Variants in CPQ observed in about 807,000 individuals in gnomAD.
CPQ encodes the protein carboxypeptidase Q.
In CPQ, 37 loss-of-function variants were observed where a neutral mutation model predicts 45.7. The observed-to-expected ratio is 0.81, with a 90% CI of 0.62 to 1.07. The LOEUF is 1.07. CPQ is among the 50% of genes least tolerant of loss of function. The pLI is 0.00. For synonymous variants in CPQ, 186 were observed against 205.8 expected (o/e 0.90, Z 0.82); for missense variants, 537 against 572.9 (o/e 0.94, Z 0.64).
intron 6 of CPQ, among the ~76,000 whole-genome samples, chr8:97,054,945 G>C (rs1457876996): frequency 6.6e-6 from 1 of 152,152 alleles, no homozygotes; most frequent in African/African-American, 2.4e-5. Flanking sequence ...TTTAAGTATA[G>C]AGTTCAGGGG....
intron 1 of CPQ, among the ~76,000 whole-genome samples, chr8:96,714,702 G>A (rs769183356): frequency 3.7e-4 from 57 of 152,116 alleles, no homozygotes; most frequent in Admixed American, 1.2e-3. Context: ...TTTGGGGGTT[G>A]TTATAGAACC....
chr8:96,769,222 A>AG (rs1197826356), intron 1 of CPQ, among the ~76,000 whole-genome samples: 7 of 152,078 alleles, frequency 4.6e-5, no homozygotes, highest in Non-Finnish European at 8.8e-5. Context: ...TTACACTTAT[A>AG]GGGGGGATCC....
intron 1 of CPQ, among the ~76,000 whole-genome samples, chr8:96,773,603 G>A (rs533158305): frequency 1.1e-3 from 166 of 152,284 alleles, no homozygotes; most frequent in Non-Finnish European, 2.0e-3. Flanking sequence ...AAATAACAAA[G>A]AATTATTTTG....
At chr8:96,653,072 C>G (rs1815596832) in intron 1 of CPQ, among the ~76,000 whole-genome samples, 2 of 152,290 alleles carry the variant, frequency 1.3e-5, no homozygotes, top group Middle Eastern at 3.4e-3. Flanking sequence ...ACTGGGACTA[C>G]AGGTGTGCCA....
At position 97,106,720 on chromosome 8, in the gene CPQ, G is replaced by A. The variant is rs1476459541; in HGVS notation, c.1256-36300G>A. ...GAGAATCAATAGCAGGAGAGCCTTG[G>A]GCCAGATGGATCGCAAGTGAGTGAG... is the stretch of plus-strand genomic sequence containing the variant. On this transcript the variant is annotated intron_variant, in intron 7 of 7. Coordinates refer to ENST00000220763, the MANE Select transcript of CPQ (RefSeq NM_016134.4). Among the ~76,000 whole-genome samples the A allele has an allele frequency of 2.0e-5, 3 of 148,062 alleles. No homozygotes were observed. In the East Asian group the frequency reaches 5.8e-4, roughly 29 times the overall value.
chr8:96,778,257 T>C (rs964893383), intron 1 of CPQ, among the ~76,000 whole-genome samples: 1 of 151,568 alleles, frequency 6.6e-6, no homozygotes, highest in Non-Finnish European at 1.5e-5. Context: ...TTGTTACTTC[T>C]CCAAATATAG....
chr8:96,769,102 C>T (rs1042854586), intron 1 of CPQ, among the ~76,000 whole-genome samples: 2 of 152,162 alleles, frequency 1.3e-5, no homozygotes, highest in African/African-American at 4.8e-5. Context: ...AGCCTATATT[C>T]TCTCCCCTGT....
chr8:97,046,648 G>T (rs1296246578), intron 6 of CPQ, among the ~76,000 whole-genome samples: 1 of 152,130 alleles, frequency 6.6e-6, no homozygotes, highest in Non-Finnish European at 1.5e-5. Context: ...CCAATCAGAT[G>T]CACTCCCTCC....
intron 1 of CPQ, among the ~76,000 whole-genome samples, chr8:96,705,548 G>T (rs1809521410): frequency 6.6e-6 from 1 of 152,110 alleles, no homozygotes; most frequent in African/African-American, 2.4e-5. Context: ...TTTAAATTCT[G>T]CATCTGTGGT....
At chr8:97,016,974 A>G (rs1306955961) in intron 5 of CPQ, among the ~76,000 whole-genome samples, 3 of 152,196 alleles carry the variant, frequency 2.0e-5, no homozygotes, top group Admixed American at 1.3e-4. Flanking sequence ...TTACTCAACA[A>G]TGACTGCAGG....
intron 4 of CPQ, among the ~76,000 whole-genome samples, chr8:96,908,991 A>C (rs1392313767): frequency 6.6e-6 from 1 of 152,184 alleles, no homozygotes; most frequent in African/African-American, 2.4e-5. Flanking sequence ...AAGCTTGGTC[A>C]GTGTTCCATC....
chr8:96,740,904 G>T (rs1331302232), intron 1 of CPQ, among the ~76,000 whole-genome samples: 1 of 152,156 alleles, frequency 6.6e-6, no homozygotes, highest in Admixed American at 6.5e-5. Context: ...TGTTCATCAA[G>T]GATATTGGTC....
intron 6 of CPQ, among the ~76,000 whole-genome samples, chr8:97,061,627 A>G (rs1810554036): frequency 6.6e-6 from 1 of 152,176 alleles, no homozygotes. Context: ...AAGAATGATC[A>G]TGCACACTCA....
At chr8:96,690,360 A>G (rs1234517407) in intron 1 of CPQ, among the ~76,000 whole-genome samples, 3 of 152,094 alleles carry the variant, frequency 2.0e-5, no homozygotes, top group Non-Finnish European at 4.4e-5. Context: ...GCTAATAACA[A>G]TTGTCCTTAT....
At chr8:96,930,530 A>AT (rs908569872) in intron 4 of CPQ, among the ~76,000 whole-genome samples, 4 of 152,020 alleles carry the variant, frequency 2.6e-5, no homozygotes, top group South Asian at 2.1e-4. Context: ...AGTGAGGATG[A>AT]TTTTTTTTGG....
intron 3 of CPQ, among the ~76,000 whole-genome samples, chr8:96,866,742 T>A (rs977396661): frequency 2.6e-5 from 4 of 152,080 alleles, no homozygotes; most frequent in Non-Finnish European, 4.4e-5. Context: ...GTGAATTAAA[T>A]CTTACAGAAT....
chr8:96,879,996 T>A lies in CPQ; in HGVS notation c.840T>A (p.Tyr280Ter). Residue 280 changes from tyrosine to a stop codon, truncating the protein, a stop_gained, in exon 4 of 8, where the codon TAT (tyrosine) becomes TAA (stop). Transcript: ENST00000220763. LOFTEE classifies it high-confidence loss of function. ...NTVAEITGSKYPEQVVLVSGH... is the reference protein window; with the variant it reads ...NTVAEITGSK Reference sequence around the variant, plus strand: ...TAGCAGAGATCACTGGGAGCAAATATCCAGAACAGGTGAGTGAAGGAGAAG... The same window carrying A: ...TAGCAGAGATCACTGGGAGCAAATAACCAGAACAGGTGAGTGAAGGAGAAG... 1 of 1,613,616 alleles carries A rather than the reference T, an allele frequency of 6.2e-7. No individual in the cohort carries two copies. Among genetic ancestry groups the A allele is most frequent in the African/African-American group, 1.3e-5 (1 of 75,002 alleles).
chr8:97,046,143 C>T lies in CPQ; in HGVS notation c.1053+16649C>T, dbSNP rs570341567. Among the ~76,000 whole-genome samples the T allele has an allele frequency of 8.7e-4, 133 of 152,264 alleles. No individual in the cohort carries two copies. The South Asian group carries it at 9.1e-3, about 10-fold the overall frequency. ...CATGTGTGCCCTGAGAGGCTGGTCTCGGTCTAGCTTTCTGATTTCCTTATC... is the reference window on the plus strand; with the variant it reads ...CATGTGTGCCCTGAGAGGCTGGTCTTGGTCTAGCTTTCTGATTTCCTTATC... On this transcript the variant is annotated intron_variant, in intron 6 of 7. Transcript: ENST00000220763.
chr8:96,726,864 A>G (rs1809850448), intron 1 of CPQ, among the ~76,000 whole-genome samples: 2 of 152,152 alleles, frequency 1.3e-5, no homozygotes, highest in Non-Finnish European at 1.5e-5. Flanking sequence ...GGGACTATGC[A>G]GAGAGTCCAC....
Sources: gnomAD v4.1 joint callset for allele counts (sites outside exome capture counted in the v4.1 genomes callset) on GRCh38, gnomAD v4.1.1 for gene constraint, MANE v1.5 for transcripts, NCBI Gene and HGNC (gene_info 2026-07-23, HGNC 2026-07-21) for gene names.